Variants in ZNF608 observed in about 807,000 individuals in gnomAD.
The protein encoded by ZNF608 is renal carcinoma antigen NY-REN-36.
In ZNF608, 12 loss-of-function variants were observed where a neutral mutation model predicts 109.0. The ratio of observed to expected loss-of-function variants is 0.11; its 90% CI spans 0.07 to 0.18. The LOEUF (loss-of-function observed/expected upper bound fraction) is 0.18. ZNF608 is among the 10% of genes least tolerant of loss of function. The probability of loss-of-function intolerance (pLI) is 1.00; values close to 1 mark genes in which losing one functional copy is unlikely to be tolerated. For synonymous variants in ZNF608, 732 were observed against 717.4 expected (o/e 1.02, Z -0.33); for missense variants, 1,707 against 1,879.3 (o/e 0.91, Z 1.70).
intron 3 of ZNF608, among the ~76,000 whole-genome samples, chr5:124,654,481 A>G (rs1750923798): frequency 6.6e-6 from 1 of 152,236 alleles, no homozygotes; most frequent in African/African-American, 2.4e-5. Flanking sequence ...ACAAATGCAA[A>G]GGTTCTCACT....
rs572702659 is a variant in ZNF608, at chr5:124,709,313, C to T, written c.907-8044G>A. On this transcript the variant is annotated intron_variant, in intron 2 of 9. Coordinates refer to ENST00000513986, the MANE Select transcript of ZNF608 (RefSeq NM_020747.3). ...AGGTCACAAAGCAAGAGAATGTACACAGCTACATGTGTAAAATACGCTTTA... is the reference window on the plus strand; with the variant it reads ...AGGTCACAAAGCAAGAGAATGTACATAGCTACATGTGTAAAATACGCTTTA... Among the ~76,000 whole-genome samples, 3 of 151,970 alleles carry T rather than the reference C, an allele frequency of 2.0e-5. No individual in the cohort carries two copies. The South Asian group carries it at 6.2e-4, about 32-fold the overall frequency.
rs1750411594 is a variant in ZNF608, at chr5:124,644,584, ATCAAGT to A, written c.3777_3782del (p.Glu1259_Leu1260del). On this transcript the variant is annotated inframe_deletion, in exon 6 of 10. Transcript: ENST00000513986. ...TATCCTCTTTTAATTTCTTCTCTCTATCAAGTTCTTCTGACTTTTGCTGATCCAGAT... is the reference window on the plus strand; with the variant it reads ...TATCCTCTTTTAATTTCTTCTCTCTATCTTCTGACTTTTGCTGATCCAGAT... 3.7e-6 allele frequency: 6 copies of A among 1,613,232 alleles called. No individual in the cohort carries two copies. Among genetic ancestry groups the A allele is most frequent in the Non-Finnish European group, 5.1e-6 (6 of 1,179,852 alleles).
At chr5:124,654,262 T>G (rs1284338350) in intron 3 of ZNF608, among the ~76,000 whole-genome samples, 1 of 151,806 alleles carries the variant, frequency 6.6e-6, no homozygotes, top group Non-Finnish European at 1.5e-5. Context: ...CCTCAAGCAA[T>G]CCTCCCCCGT....
Position 124,701,185 on chromosome 5 carries a change from G to C in ZNF608, c.991C>G (p.Pro331Ala). 6.2e-7 allele frequency: 1 copy of C among 1,614,126 alleles called. No individual in the cohort carries two copies. Among genetic ancestry groups the C allele is most frequent in the Non-Finnish European group, 8.5e-7 (1 of 1,180,006 alleles). The change falls in exon 3 of 10, where the codon CCA (proline) becomes GCA (alanine). Residue 331 changes from proline (P) to alanine (A), a missense_variant. Pro to Ala is a conservative substitution (Grantham distance 27, BLOSUM62 -1). Coordinates refer to ENST00000513986, the MANE Select transcript of ZNF608 (RefSeq NM_020747.3). ...TPQILPSYFS[P>A]SSSNIAAPVE... ...GGTGCTGCAATATTGGATGAAGATG[G>C]GGAAAAGTAGGAGGGTAGAATCTGA...
chr5:124,743,472 A>C (rs1749502387), intron 2 of ZNF608, among the ~76,000 whole-genome samples: 1 of 152,166 alleles, frequency 6.6e-6, no homozygotes, highest in South Asian at 2.1e-4. Flanking sequence ...CCAACACATC[A>C]AGCTTGGGGT....
intron 4 of ZNF608, 71 bp downstream of exon 4, chr5:124,649,539 T>C (rs1454184603): frequency 1.7e-5 from 21 of 1,261,734 alleles, no homozygotes; most frequent in Non-Finnish European, 2.3e-5. Flanking sequence ...TTATGTATTA[T>C]GAATCTCTCT....
At chr5:124,721,708 G>A (rs1753911140) in intron 2 of ZNF608, among the ~76,000 whole-genome samples, 1 of 151,906 alleles carries the variant, frequency 6.6e-6, no homozygotes, top group African/African-American at 2.4e-5. Flanking sequence ...GGCTGAGGCG[G>A]GTGGATCGTC....
chr5:124,644,720 T>G, intron 5 of ZNF608, 59 bp from the exon 6 acceptor site: 2 of 1,432,628 alleles, frequency 1.4e-6, no homozygotes, highest in Non-Finnish European at 1.9e-6. Context: ...ATTTCAATTT[T>G]AAAGAAAACT....
chr5:124,649,735 C>T (rs749301315), intron 3 of ZNF608, 38 bp from the exon 4 acceptor site: 26 of 1,299,992 alleles, frequency 2.0e-5, no homozygotes, highest in Non-Finnish European at 2.5e-5. Context: ...TCATAGTTAC[C>T]ACTGATTACT....
At chr5:124,664,545 G>C (rs188348210) in intron 3 of ZNF608, among the ~76,000 whole-genome samples, 59 of 152,090 alleles carry the variant, frequency 3.9e-4, no homozygotes, top group Middle Eastern at 3.4e-3. Flanking sequence ...AAGAATAAGT[G>C]TTTTTTATAC....
At chr5:124,731,353 G>C (rs1235246875) in intron 2 of ZNF608, among the ~76,000 whole-genome samples, 1 of 152,082 alleles carries the variant, frequency 6.6e-6, no homozygotes, top group Non-Finnish European at 1.5e-5. Flanking sequence ...TGGGGTTATA[G>C]GTGCGAACCA....
chr5:124,649,231 G>C (rs1184124146), intron 4 of ZNF608, 98 bp from the exon 5 acceptor site: 1 of 988,410 alleles, frequency 1.0e-6, no homozygotes, highest in Non-Finnish European at 1.4e-6. Context: ...CAACACTCCA[G>C]TAGCTTCAGG....
intron 2 of ZNF608, among the ~76,000 whole-genome samples, chr5:124,730,773 T>A (rs148145087): frequency 1.3e-4 from 20 of 152,300 alleles, no homozygotes. Context: ...AGAACTCTTG[T>A]TAATATTAAA....
At chr5:124,710,461 G>C in intron 2 of ZNF608, 1 of 321,152 alleles carries the variant, frequency 3.1e-6, no homozygotes, top group South Asian at 2.6e-5. Flanking sequence ...GGTGTATAAA[G>C]CTATGCGGTG....
intron 3 of ZNF608, among the ~76,000 whole-genome samples, chr5:124,681,027 A>G (rs916883417): frequency 2.0e-5 from 3 of 152,232 alleles, no homozygotes; most frequent in Non-Finnish European, 4.4e-5. Context: ...ACTTCTACAT[A>G]AAATGAGTTC....
Position 124,637,006 on chromosome 5 carries a change from A to G in ZNF608, c.*894T>C, listed in dbSNP as rs967159885. The G allele has an allele frequency of 2.6e-5, 4 of 152,508 alleles. No individual in the cohort carries two copies. Among genetic ancestry groups the G allele is most frequent in the African/African-American group, 9.7e-5 (4 of 41,416 alleles). 9.4% of individuals were successfully genotyped at this position (152,508 alleles called of 1,614,324 possible). ...AAAGCATTCAATATACATTTTACAT[A>G]AAATAAACTAGATTACAGCATAAAA... is the stretch of plus-strand genomic sequence containing the variant. On this transcript the variant is annotated 3_prime_UTR_variant, in exon 10 of 10. Transcript: ENST00000513986.
intron 7 of ZNF608, among the ~76,000 whole-genome samples, chr5:124,642,762 A>C (rs1180557042): frequency 6.8e-6 from 1 of 146,134 alleles, no homozygotes; most frequent in Non-Finnish European, 1.5e-5. Context: ...GCAGTGGCAC[A>C]ATCTCTGCTC....
intron 3 of ZNF608, among the ~76,000 whole-genome samples, chr5:124,664,532 C>T (rs1469785872): frequency 3.3e-5 from 5 of 149,746 alleles, no homozygotes; most frequent in African/African-American, 9.7e-5. Context: ...ATGTGTAGGT[C>T]GCAAGAATAA....
At chr5:124,731,719 G>A (rs562351624) in intron 2 of ZNF608, among the ~76,000 whole-genome samples, 2 of 152,116 alleles carry the variant, frequency 1.3e-5, no homozygotes, top group Admixed American at 6.5e-5. Flanking sequence ...CCAGATACTC[G>A]GGAGGCTGAG....
Sources: gnomAD v4.1 joint callset for allele counts (sites outside exome capture counted in the v4.1 genomes callset) on GRCh38, gnomAD v4.1.1 for gene constraint, MANE v1.5 for transcripts, NCBI Gene and HGNC (gene_info 2026-07-23, HGNC 2026-07-21) for gene names.